AMOTL1: variants seen among roughly 807,000 people sequenced by gnomAD.
AMOTL1 encodes angiomotin like 1.
AMOTL1 carries 45 observed loss-of-function variants against 102.9 expected under a neutral mutation model. That is an observed-to-expected ratio of 0.44 (90% CI 0.34 to 0.56). The LOEUF (loss-of-function observed/expected upper bound fraction) is 0.56, where lower values mean the gene tolerates loss of function less well. Ranked by LOEUF, AMOTL1 falls within the 20% of genes least tolerant of loss-of-function variation. The pLI is 0.01. For synonymous variants in AMOTL1, 481 were observed against 484.7 expected, an observed-to-expected ratio of 0.99 and a Z score of 0.10; for missense variants, 1,114 against 1,225.6, an observed-to-expected ratio of 0.91 and a Z score of 1.36.
chr11:94,859,653 C>T lies in AMOTL1; in HGVS notation c.2073C>T (p.Tyr691=), dbSNP rs1952735030. Residue 691 remains tyrosine (Y), a synonymous_variant, in exon 9 of 13, where the codon TAC becomes TAT. Coordinates refer to ENST00000433060, the MANE Select transcript of AMOTL1 (RefSeq NM_130847.3). Reference sequence around the variant, plus strand: ...ACATGACAAAGTGGGAGCAGAAGTACCTGGAGGAGAGCACCATCCGACACT... The same window carrying T: ...ACATGACAAAGTGGGAGCAGAAGTATCTGGAGGAGAGCACCATCCGACACT... ...EADMTKWEQK[Y]LEESTIRHFA... The T allele has an allele frequency of 6.2e-7, 1 of 1,613,268 alleles. No individual in the cohort carries two copies. Among genetic ancestry groups the T allele is most frequent in the Non-Finnish European group, 8.5e-7 (1 of 1,179,632 alleles).
intron 4 of AMOTL1, among the ~76,000 whole-genome samples, chr11:94,822,620 A>G (rs1222850987): frequency 6.6e-6 from 1 of 152,120 alleles, no homozygotes; most frequent in East Asian, 1.9e-4. Flanking sequence ...CATGTTTGTG[A>G]CTTATCAGGT....
At chr11:94,789,518 G>A (rs1436849373) in intron 1 of AMOTL1, among the ~76,000 whole-genome samples, 1 of 152,230 alleles carries the variant, frequency 6.6e-6, no homozygotes, top group East Asian at 1.9e-4. Flanking sequence ...ACTGCTGCCT[G>A]TCAGTGCTGC....
intron 3 of AMOTL1, among the ~76,000 whole-genome samples, chr11:94,760,391 T>C (rs1025189994): frequency 6.6e-6 from 1 of 152,192 alleles, no homozygotes; most frequent in Non-Finnish European, 1.5e-5. Context: ...ACAAGTAACA[T>C]TCCTAAAGAG....
At position 94,750,995 on chromosome 11, in the gene AMOTL1, C is replaced by T. The variant is rs78473037; in HGVS notation, c.136+10007C>T. On this transcript the variant is annotated intron_variant, in intron 3 of 4. Coordinates refer to the AMOTL1 transcript ENST00000299004. ...AGAGGTTAAAGGATCTGCCCAGAGT[C>T]GTTTGGCTAGAGGCAAAGATTAGAT... Among the ~76,000 whole-genome samples the T allele has an allele frequency of 4.1e-4, 63 of 152,212 alleles. 1 individual carries two copies. In the East Asian group the frequency reaches 0.011, roughly 28 times the overall value.
At chr11:94,723,680 C>G (rs535302286) in intron 1 of AMOTL1, among the ~76,000 whole-genome samples, 2 of 152,200 alleles carry the variant, frequency 1.3e-5, no homozygotes, top group Admixed American at 1.3e-4. Context: ...ATAAGTATCT[C>G]AACTCTCTAA....
intron 1 of AMOTL1, among the ~76,000 whole-genome samples, chr11:94,718,529 A>C (rs1333616544): frequency 6.6e-6 from 1 of 151,876 alleles, no homozygotes; most frequent in Non-Finnish European, 1.5e-5. Flanking sequence ...TTTTTAGCAT[A>C]TTTTTCTACC....
chr11:94,795,276 A>G (rs1282922071), intron 2 of AMOTL1, 116 bp downstream of exon 2: 30 of 1,307,722 alleles, frequency 2.3e-5, no homozygotes, highest in Non-Finnish European at 5.3e-6. Flanking sequence ...TTAAATCATC[A>G]TATTGGATTA....
chr11:94,848,421 A>T (rs1452593823), intron 6 of AMOTL1, among the ~76,000 whole-genome samples: 1 of 152,126 alleles, frequency 6.6e-6, no homozygotes, highest in African/African-American at 2.4e-5. Context: ...GTTTTCAGGG[A>T]TGCCATTGTT....
intron 3 of AMOTL1, among the ~76,000 whole-genome samples, chr11:94,751,363 C>T (rs886788354): frequency 6.6e-5 from 10 of 152,092 alleles, no homozygotes; most frequent in South Asian, 6.2e-4. Context: ...TCCATTCATT[C>T]CTATGTATTG....
At chr11:94,825,350 A>T (rs367672110) in intron 4 of AMOTL1, among the ~76,000 whole-genome samples, 3 of 152,298 alleles carry the variant, frequency 2.0e-5, no homozygotes, top group East Asian at 1.9e-4. Flanking sequence ...GGTCCTGTGG[A>T]TCCCTGAGTG....
chr11:94,774,075 G>A (rs1591951685), intron 1 of AMOTL1, among the ~76,000 whole-genome samples: 4 of 152,304 alleles, frequency 2.6e-5, no homozygotes, highest in Admixed American at 1.3e-4. Context: ...CACGTTGAAA[G>A]CATTCAATAA....
chr11:94,786,265 A>G (rs1381948501), intron 1 of AMOTL1, among the ~76,000 whole-genome samples: 1 of 152,248 alleles, frequency 6.6e-6, no homozygotes, highest in East Asian at 1.9e-4. Flanking sequence ...GCTAAATTTT[A>G]AAAATTATTT....
chr11:94,825,670 T>A (rs1951949246), intron 4 of AMOTL1, among the ~76,000 whole-genome samples: 1 of 152,222 alleles, frequency 6.6e-6, no homozygotes. Context: ...ATAGTTTTTG[T>A]ATCAAACCAG....
At chr11:94,772,974 G>A (rs1254002322) in intron 1 of AMOTL1, among the ~76,000 whole-genome samples, 1 of 152,188 alleles carries the variant, frequency 6.6e-6, no homozygotes, top group African/African-American at 2.4e-5. Flanking sequence ...TATGTTTAAT[G>A]TCTGTCTTTT....
intron 7 of AMOTL1, among the ~76,000 whole-genome samples, chr11:94,851,245 G>C (rs179642): frequency 1.3e-5 from 2 of 152,142 alleles, no homozygotes; most frequent in Admixed American, 1.3e-4. Flanking sequence ...GGAGGCTGGG[G>C]CTTCTCATTA....
At chr11:94,777,864 A>G (rs1951048392) in intron 1 of AMOTL1, among the ~76,000 whole-genome samples, 1 of 152,200 alleles carries the variant, frequency 6.6e-6, no homozygotes, top group Non-Finnish European at 1.5e-5. Flanking sequence ...GTACAAGTCA[A>G]TACTGAGGTG....
At chr11:94,718,923 C>A (rs17608107) in intron 1 of AMOTL1, among the ~76,000 whole-genome samples, 9,639 of 151,502 alleles carry the variant, frequency 0.064, 451 homozygotes, top group Admixed American at 0.11. Context: ...TTTGTGACTT[C>A]TAGATTTTAT....
At position 94,865,749 on chromosome 11, in the gene AMOTL1, G is replaced by A. The variant is rs1275738648; in HGVS notation, c.2262-193G>A. ...CCCAGTCTCCCAAGGTGCCAGAGAA[G>A]GTGTACTCTTTTGACATATGACAAA... is the stretch of plus-strand genomic sequence containing the variant. On this transcript the variant is annotated intron_variant, in intron 10 of 12. Transcript: ENST00000433060. Among the ~76,000 whole-genome samples, 3 of 152,068 alleles carry A rather than the reference G, an allele frequency of 2.0e-5. No homozygotes were observed. In the East Asian group the frequency reaches 5.8e-4, roughly 29 times the overall value.
At chr11:94,763,059 T>C (rs2135503835) in intron 3 of AMOTL1, among the ~76,000 whole-genome samples, 1 of 152,346 alleles carries the variant, frequency 6.6e-6, no homozygotes, top group Admixed American at 6.5e-5. Flanking sequence ...AAGCTTCAAA[T>C]GGAGCAGGGT....
Sources: gnomAD v4.1 joint callset for allele counts (sites outside exome capture counted in the v4.1 genomes callset) on GRCh38, gnomAD v4.1.1 for gene constraint, MANE v1.5 for transcripts, NCBI Gene and HGNC (gene_info 2026-07-23, HGNC 2026-07-21) for gene names.